BLK: variants seen among roughly 807,000 people sequenced by gnomAD.
BLK encodes tyrosine-protein kinase Blk.
In BLK, 64 loss-of-function variants were observed where a neutral mutation model predicts 61.8. The ratio of observed to expected loss-of-function variants is 1.03; its 90% confidence interval spans 0.85 to 1.27. The LOEUF (loss-of-function observed/expected upper bound fraction) is 1.27. Ranked by LOEUF, BLK falls within the 50% of genes most tolerant of loss-of-function variation. BLK has a pLI of 0.00. For missense variants in BLK, 853 were observed against 660.5 expected (o/e 1.29, Z -3.19); for synonymous variants, 351 against 272.0 (o/e 1.29, Z -2.86).
intron 1 of BLK, among the ~76,000 whole-genome samples, chr8:11,517,013 T>C (rs1023435567): frequency 3.9e-5 from 6 of 152,188 alleles, no homozygotes; most frequent in African/African-American, 1.4e-4. Context: ...GGACTTTGAA[T>C]TTTACTCTGA....
chr8:11,530,840 T>G (rs1342973576), intron 1 of BLK, among the ~76,000 whole-genome samples: 1 of 152,218 alleles, frequency 6.6e-6, no homozygotes, highest in Non-Finnish European at 1.5e-5. Flanking sequence ...ATATGTCAAG[T>G]CTTTCTGTGG....
chr8:11,554,842 C>G lies in BLK; in HGVS notation c.572C>G (p.Pro191Arg), dbSNP rs779113789. 209 of 1,613,918 alleles carry G rather than the reference C, an allele frequency of 1.3e-4. No individual in the cohort carries two copies. The highest frequency in any genetic ancestry group is 1.7e-4 in the Non-Finnish European group (203 of 1,180,022). Residue 191 changes from proline (P) to arginine (R), a missense_variant, in exon 7 of 13, where the codon CCC becomes CGC. Transcript: ENST00000259089. ...CLDEGGYYIS[P>R]RITFPSLQAL... is the part of the protein sequence containing the mutation. ...GATGAAGGGGGCTACTACATCTCCCCCCGGATCACCTTCCCCTCGCTCCAG... is the reference window on the plus strand; with the variant it reads ...GATGAAGGGGGCTACTACATCTCCCGCCGGATCACCTTCCCCTCGCTCCAG...
chr8:11,495,601 AG>A (rs5889371), intron 1 of BLK, among the ~76,000 whole-genome samples: 40,301 of 152,086 alleles, frequency 0.26, 6,735 homozygotes, highest in East Asian at 0.71. Flanking sequence ...AAACTGGGGA[AG>A]ATTCCACAAC....
intron 1 of BLK, among the ~76,000 whole-genome samples, chr8:11,505,220 C>T (rs1798724097): frequency 6.6e-6 from 1 of 152,218 alleles, no homozygotes; most frequent in Non-Finnish European, 1.5e-5. Flanking sequence ...ATAAAGTTTC[C>T]TAAACCTCAT....
intron 1 of BLK, among the ~76,000 whole-genome samples, chr8:11,526,755 C>G (rs894408939): frequency 1.3e-5 from 2 of 151,636 alleles, no homozygotes; most frequent in Non-Finnish European, 2.9e-5. Context: ...GTGTTCAGTG[C>G]TTATATAATT....
At chr8:11,497,064 T>C (rs1798387199) in intron 1 of BLK, among the ~76,000 whole-genome samples, 1 of 151,990 alleles carries the variant, frequency 6.6e-6, no homozygotes. Context: ...GCAGAGCGGG[T>C]GAGCCCTACT....
In BLK at chr8:11,494,560, C is replaced by T. The variant is rs2117216445; in HGVS notation, c.-33C>T. Reference sequence around the variant, plus strand: ...TGTAAGGGTGTCAGGATCTGAAGAGCTATGGTGAAACACCACTGAAGCATT... The same window carrying T: ...TGTAAGGGTGTCAGGATCTGAAGAGTTATGGTGAAACACCACTGAAGCATT... On this transcript the variant is annotated 5_prime_UTR_variant, in exon 1 of 13. Transcript: ENST00000259089. 1 of 152,390 alleles carries T rather than the reference C, an allele frequency of 6.6e-6. No homozygotes were observed. Among genetic ancestry groups the T allele is most frequent in the African/African-American group, 2.4e-5 (1 of 41,582 alleles). 9.4% of individuals were successfully genotyped at this position (152,390 alleles called of 1,614,324 possible).
chr8:11,522,556 T>G (rs77743132), intron 1 of BLK, among the ~76,000 whole-genome samples: 18,648 of 152,140 alleles, frequency 0.12, 1,346 homozygotes, highest in Non-Finnish European at 0.17. Context: ...CTCACATATG[T>G]GCAAAACAGG....
At chr8:11,510,023 G>C (rs1798935053) in intron 1 of BLK, 2 of 152,058 alleles carry the variant, frequency 1.3e-5, no homozygotes, top group African/African-American at 4.8e-5. Flanking sequence ...TTCACTGTGT[G>C]AACTCTATCA....
chr8:11,521,673 G>A (rs1035549328), intron 1 of BLK, among the ~76,000 whole-genome samples: 8 of 152,186 alleles, frequency 5.3e-5, no homozygotes, highest in African/African-American at 1.7e-4. Context: ...GAAGAAAAAA[G>A]TTTTCTCAGC....
intron 1 of BLK, among the ~76,000 whole-genome samples, chr8:11,534,396 G>A (rs141632296): frequency 2.0e-5 from 3 of 152,026 alleles, no homozygotes; most frequent in Non-Finnish European, 4.4e-5. Flanking sequence ...AATTTACATG[G>A]TGTTCCCCCC....
chr8:11,529,412 C>T (rs1351698632), intron 1 of BLK, among the ~76,000 whole-genome samples: 1 of 152,030 alleles, frequency 6.6e-6, no homozygotes, highest in Non-Finnish European at 1.5e-5. Context: ...TCAAAGCTGT[C>T]TTCCTGCGCT....
Position 11,548,047 on chromosome 8 carries a change from T to A in BLK, c.191T>A (p.Val64Glu). Residue 64 changes from valine to glutamate, a missense_variant, in exon 4 of 13, where the codon GTG (valine) becomes GAG (glutamate). Physicochemically the swap from Val to Glu is moderately radical, Grantham distance 121 (BLOSUM62 -2). Coordinates refer to ENST00000259089, the MANE Select transcript of BLK (RefSeq NM_001715.3). ...TTCATTTTAGACAAGCATTTCGTGG[T>A]GGCTCTGTATGACTACACCGCTATG... is the stretch of plus-strand genomic sequence containing the variant. ...EHLDEDKHFV[V>E]ALYDYTAMND... is the part of the protein sequence containing the mutation. The A allele has an allele frequency of 6.2e-7, 1 of 1,614,108 alleles. No individual in the cohort carries two copies. Among genetic ancestry groups the A allele is most frequent in the Non-Finnish European group, 8.5e-7 (1 of 1,179,988 alleles).
At chr8:11,532,205 AT>A (rs1487966257) in intron 1 of BLK, among the ~76,000 whole-genome samples, 103 of 119,036 alleles carry the variant, frequency 8.7e-4, no homozygotes, top group African/African-American at 3.0e-3. Flanking sequence ...TTATTTATTT[AT>A]TTATTTATTT....
At chr8:11,503,061 G>T (rs1215662933) in intron 1 of BLK, among the ~76,000 whole-genome samples, 3 of 152,162 alleles carry the variant, frequency 2.0e-5, no homozygotes, top group South Asian at 4.1e-4. Flanking sequence ...TGGCCTCTTT[G>T]CACAGATTGA....
intron 1 of BLK, among the ~76,000 whole-genome samples, chr8:11,504,987 CATAG>C (rs1436902238): frequency 1.3e-5 from 2 of 152,134 alleles, no homozygotes; most frequent in Non-Finnish European, 1.5e-5. Flanking sequence ...CACACAGACA[CATAG>C]ATACAGACAC....
intron 1 of BLK, among the ~76,000 whole-genome samples, chr8:11,537,810 C>T (rs906376492): frequency 2.6e-5 from 4 of 152,184 alleles, no homozygotes; most frequent in Non-Finnish European, 5.9e-5. Flanking sequence ...TAAGGGGTTT[C>T]TAGTTTCTCT....
chr8:11,511,666 C>T (rs2117288992), intron 1 of BLK, among the ~76,000 whole-genome samples: 1 of 152,274 alleles, frequency 6.6e-6, no homozygotes, highest in African/African-American at 2.4e-5. Flanking sequence ...TTGTTGAAAA[C>T]TAGCAGTCTT....
At chr8:11,535,580 C>A (rs1800102805) in intron 1 of BLK, among the ~76,000 whole-genome samples, 1 of 152,202 alleles carries the variant, frequency 6.6e-6, no homozygotes, top group African/African-American at 2.4e-5. Flanking sequence ...TCCCAACTAA[C>A]AAGTGTGGAA....
Sources: gnomAD v4.1 joint callset for allele counts (sites outside exome capture counted in the v4.1 genomes callset) on GRCh38, gnomAD v4.1.1 for gene constraint, MANE v1.5 for transcripts, NCBI Gene and HGNC (gene_info 2026-07-23, HGNC 2026-07-21) for gene names.